The following SLC22A8 variants were observed in gnomAD, a reference collection of about 807,000 sequenced individuals.
SLC22A8 encodes solute carrier family 22 member 8, also known as organic anion transporter 3.
In SLC22A8, 40 loss-of-function variants were observed where a neutral mutation model predicts 48.4. The ratio of observed to expected loss-of-function variants is 0.83; its 90% CI spans 0.64 to 1.08. SLC22A8 has a LOEUF of 1.08. SLC22A8 is among the 50% of genes least tolerant of loss of function. The pLI is 0.00. For synonymous variants in SLC22A8, 268 were observed against 286.3 expected (o/e 0.94, Z 0.65); for missense variants, 606 against 699.0 (o/e 0.87, Z 1.50).
At chr11:63,015,033 C>T (rs751454760) in intron 1 of SLC22A8, 50 bp from the exon 2 acceptor site, 155 of 1,321,428 alleles carry the variant, frequency 1.2e-4, no homozygotes, top group Non-Finnish European at 1.5e-4. Flanking sequence ...CCTGGTAGTG[C>T]GTGGGTCTAT....
chr11:62,996,683 G>T (rs973885362), intron 5 of SLC22A8, among the ~76,000 whole-genome samples: 4 of 152,246 alleles, frequency 2.6e-5, no homozygotes, highest in African/African-American at 9.6e-5. Context: ...TCTGCTGGGG[G>T]AGTTGTGGGG....
At chr11:63,014,012 A>AC (rs2086646896) in intron 2 of SLC22A8, among the ~76,000 whole-genome samples, 1 of 152,130 alleles carries the variant, frequency 6.6e-6, no homozygotes, top group South Asian at 2.1e-4. Flanking sequence ...TGTGGATGAG[A>AC]CATTTTCTGG....
chr11:62,999,189 C>T (rs1340203861), intron 4 of SLC22A8, 100 bp from the exon 5 acceptor site: 1 of 1,034,742 alleles, frequency 9.7e-7, no homozygotes. Flanking sequence ...CTACTGACAT[C>T]CTCCCCACGG....
chr11:63,006,769 G>A (rs956887104), intron 2 of SLC22A8, among the ~76,000 whole-genome samples: 4 of 143,838 alleles, frequency 2.8e-5, no homozygotes, highest in African/African-American at 9.9e-5. Context: ...CACCATGCCT[G>A]GCTAATTTTT....
rs762931334 is a variant in SLC22A8 at position 62,999,038 on chromosome 11, C to G, written c.644G>C (p.Gly215Ala). The G allele has an allele frequency of 1.3e-5, 21 of 1,614,032 alleles. No homozygotes were observed. Among genetic ancestry groups the G allele is most frequent in the Non-Finnish European group, 1.8e-5 (21 of 1,179,982 alleles). ...RMRAIMSTAL[G>A]YCYTFGQFIL... is the part of the protein sequence containing the mutation. ...GAACTGGCCAAAGGTGTAGCAGTAC[C>G]CGAGTGCTGTCGACATGATGGCCCG... The change falls in exon 5 of 11, where the codon GGG becomes GCG. Residue 215 changes from glycine to alanine, a missense_variant. By Grantham distance (60) the Gly-to-Ala change is moderately conservative. Coordinates refer to ENST00000336232, the MANE Select transcript of SLC22A8 (RefSeq NM_004254.4).
chr11:63,013,656 C>T (rs962639775), intron 2 of SLC22A8, among the ~76,000 whole-genome samples: 1 of 152,196 alleles, frequency 6.6e-6, no homozygotes, highest in African/African-American at 2.4e-5. Flanking sequence ...CTGAAACTGA[C>T]CAGCCATGTG....
chr11:62,996,196 G>C, intron 5 of SLC22A8, 44 bp from the exon 6 acceptor site: 1 of 1,549,290 alleles, frequency 6.5e-7, no homozygotes, highest in East Asian at 2.3e-5. Context: ...CCACTCCAGA[G>C]CCCCTTTTGA....
At chr11:62,993,378 G>C in intron 10 of SLC22A8, 42 bp from the exon 11 acceptor site, 1 of 1,612,406 alleles carries the variant, frequency 6.2e-7, no homozygotes, top group Non-Finnish European at 8.5e-7. Context: ...GCCCAGACCT[G>C]CTTCCCCAGG....
intron 5 of SLC22A8, among the ~76,000 whole-genome samples, 172 bp from the exon 6 acceptor site, chr11:62,996,324 G>A (rs1247626080): frequency 6.6e-6 from 1 of 152,246 alleles, no homozygotes; most frequent in Admixed American, 6.5e-5. Context: ...TGGGCTGCCT[G>A]CAGCCAGCAC....
intron 6 of SLC22A8, 49 bp downstream of exon 6, chr11:62,995,980 G>T (rs2086414007): frequency 1.9e-6 from 3 of 1,612,806 alleles, no homozygotes; most frequent in East Asian, 4.5e-5. Flanking sequence ...GCCAGCCCAA[G>T]AGTGGAGCAC....
intron 7 of SLC22A8, 55 bp from the exon 8 acceptor site, chr11:62,994,811 C>T (rs890364537): frequency 3.8e-5 from 51 of 1,337,250 alleles, no homozygotes; most frequent in Non-Finnish European, 5.5e-5. Flanking sequence ...GGCCACTCCC[C>T]ATGCTGGTCA....
chr11:62,994,956 A>G, intron 7 of SLC22A8, 200 bp from the exon 8 acceptor site: 1 of 613,584 alleles, frequency 1.6e-6, no homozygotes, highest in Non-Finnish European at 2.9e-6. Context: ...TTGACTGGTC[A>G]TGTCTGACGT....
chr11:62,996,728 C>A (rs2086425294), intron 5 of SLC22A8, among the ~76,000 whole-genome samples: 1 of 152,166 alleles, frequency 6.6e-6, no homozygotes, highest in Admixed American at 6.5e-5. Flanking sequence ...TTGGGATTGG[C>A]AAATAGGCAG....
intron 4 of SLC22A8, 45 bp from the exon 5 acceptor site, chr11:62,999,134 C>T (rs1181721220): frequency 6.4e-7 from 1 of 1,558,702 alleles, no homozygotes; most frequent in Admixed American, 1.7e-5. Flanking sequence ...TGCTAGGTCC[C>T]AGGCACCTCC....
In SLC22A8 at chr11:63,000,804, G is replaced by A. The variant is rs2086484669; in HGVS notation, c.353C>T (p.Ser118Phe). Residue 118 changes from serine (S) to phenylalanine (F), a missense_variant, in exon 3 of 11, where the codon TCC becomes TTC. Physicochemically the swap from Ser to Phe is radical, Grantham distance 155. Transcript: ENST00000336232. Reference protein sequence around the residue: ...IVTEWDLVCNSNKLKEMAQSI... With the variant: ...IVTEWDLVCNFNKLKEMAQSI... ...CTGGGCCATCTCCTTCAGTTTGTTG[G>A]AGTTGCACACCAAGTCCCACTGCAC... 1 of 1,613,788 alleles carries A rather than the reference G, an allele frequency of 6.2e-7. No individual in the cohort carries two copies. The highest frequency in any genetic ancestry group is 8.5e-7 in the Non-Finnish European group (1 of 1,179,828).
chr11:63,000,343 G>A (rs1418933564), intron 3 of SLC22A8, among the ~76,000 whole-genome samples: 2 of 152,142 alleles, frequency 1.3e-5, no homozygotes, highest in Non-Finnish European at 2.9e-5. Flanking sequence ...AATTAGCCAG[G>A]CGTGGTGACA....
rs1565294524 is a variant in SLC22A8, at chr11:62,995,719, C to T, written c.986G>A (p.Cys329Tyr). 2 of 1,613,936 alleles carry T rather than the reference C, an allele frequency of 1.2e-6. No homozygotes were observed. Among genetic ancestry groups the T allele is most frequent in the Non-Finnish European group, 1.7e-6 (2 of 1,179,838 alleles). ...GGGGGGTTACCAGGCCAGGGAAAGA[C>T]AGAAGGTCATGCGGCGCAGCATGGG... ...RIPMLRRMTF[C>Y]LSLAWFATGF... The change falls in exon 7 of 11, where the codon TGT becomes TAT. Residue 329 changes from cysteine (C) to tyrosine (Y), a missense_variant. Transcript: ENST00000336232.
intron 2 of SLC22A8, among the ~76,000 whole-genome samples, chr11:63,005,060 G>A (rs1193335520): frequency 2.6e-5 from 4 of 152,198 alleles, no homozygotes; most frequent in Non-Finnish European, 1.5e-5. Context: ...TGGAAAAATT[G>A]TCTACTGGAG....
chr11:63,006,599 T>TG (rs2086558279), intron 2 of SLC22A8, among the ~76,000 whole-genome samples: 1 of 81,644 alleles, frequency 1.2e-5, no homozygotes, highest in Non-Finnish European at 2.2e-5. Flanking sequence ...ATTTGAGTTT[T>TG]TTTTTTTTTT....
Sources: gnomAD v4.1 joint callset for allele counts (sites outside exome capture counted in the v4.1 genomes callset) on GRCh38, gnomAD v4.1.1 for gene constraint, MANE v1.5 for transcripts, NCBI Gene and HGNC (gene_info 2026-07-23, HGNC 2026-07-21) for gene names.